Variants in CHODL observed in about 807,000 individuals in gnomAD.
CHODL encodes the protein transmembrane protein MT75.
A neutral mutation model predicts 34.5 loss-of-function variants in CHODL; 29 were observed. The ratio of observed to expected loss-of-function variants is 0.84; its 90% CI spans 0.63 to 1.15. The LOEUF (loss-of-function observed/expected upper bound fraction) is 1.15. Among genes scored for constraint, CHODL ranks in the 50% most tolerant of loss-of-function variants. The pLI is 0.00. For synonymous variants in CHODL, 125 were observed against 116.1 expected (o/e 1.08, Z -0.49); for missense variants, 332 against 332.5 (o/e 1.00, Z 0.01).
intron 1 of CHODL, among the ~76,000 whole-genome samples, chr21:17,951,316 A>G (rs1220986017): frequency 6.6e-6 from 1 of 152,216 alleles, no homozygotes; most frequent in African/African-American, 2.4e-5. Context: ...GGTAGGTGGC[A>G]GGTATGGTTG....
chr21:18,090,112 C>G (rs770832317), intron 2 of CHODL, among the ~76,000 whole-genome samples: 8 of 152,200 alleles, frequency 5.3e-5, no homozygotes, highest in Non-Finnish European at 8.8e-5. Flanking sequence ...AATTACAACT[C>G]TTGTATGCTT....
rs113238672 is a variant in CHODL, at chr21:18,119,851, A to T, written c.-45+91880A>T. On this transcript the variant is annotated intron_variant, in intron 2 of 6. Coordinates refer to the CHODL transcript ENST00000400127. Reference sequence around the variant, plus strand: ...TTTGTGTCATAAAAACAAAGTATGCAGGTCATCCAGTTCACTTGTGGCAGA... The same window carrying T: ...TTTGTGTCATAAAAACAAAGTATGCTGGTCATCCAGTTCACTTGTGGCAGA... Among the ~76,000 whole-genome samples the T allele has an allele frequency of 2.1e-3, 314 of 152,328 alleles. 4 individuals carry two copies. The highest frequency in any genetic ancestry group is 6.6e-3 in the African/African-American group (275 of 41,564).
At chr21:17,942,161 C>T (rs1221895909) in intron 1 of CHODL, among the ~76,000 whole-genome samples, 1 of 152,040 alleles carries the variant, frequency 6.6e-6, no homozygotes, top group Non-Finnish European at 1.5e-5. Flanking sequence ...CCCTCATGAC[C>T]ATAAAATATA....
At chr21:17,991,658 A>G in intron 1 of CHODL, among the ~76,000 whole-genome samples, 1 of 128,408 alleles carries the variant, frequency 7.8e-6, no homozygotes. Context: ...AGATTATTTG[A>G]TTTTTTTTTT....
intron 2 of CHODL, among the ~76,000 whole-genome samples, chr21:18,167,926 C>T (rs1056772326): frequency 1.3e-5 from 2 of 152,158 alleles, no homozygotes; most frequent in African/African-American, 4.8e-5. Context: ...GACTCACCCT[C>T]AATCTGGGCA....
At chr21:18,000,882 T>C (rs1315743086) in intron 1 of CHODL, among the ~76,000 whole-genome samples, 2 of 152,216 alleles carry the variant, frequency 1.3e-5, no homozygotes, top group South Asian at 2.1e-4. Context: ...TTTTCTTTTT[T>C]TTTCCTGAGA....
chr21:18,104,214 C>T (rs1028722393), intron 2 of CHODL, among the ~76,000 whole-genome samples: 2 of 152,086 alleles, frequency 1.3e-5, no homozygotes, highest in Admixed American at 6.6e-5. Flanking sequence ...TGTCCCTACC[C>T]AAATCTCATC....
At chr21:18,129,979 A>G (rs556795678) in intron 2 of CHODL, among the ~76,000 whole-genome samples, 3 of 152,084 alleles carry the variant, frequency 2.0e-5, no homozygotes, top group Non-Finnish European at 2.9e-5. Context: ...TGTATGACAG[A>G]TAATTTTTTA....
At chr21:18,157,101 T>C (rs1046892766) in intron 2 of CHODL, among the ~76,000 whole-genome samples, 1 of 152,218 alleles carries the variant, frequency 6.6e-6, no homozygotes, top group Non-Finnish European at 1.5e-5. Context: ...TCACCCCTTC[T>C]GTTGATTACA....
chr21:17,950,701 T>C (rs1286903716), intron 1 of CHODL, among the ~76,000 whole-genome samples: 1 of 152,190 alleles, frequency 6.6e-6, no homozygotes, highest in African/African-American at 2.4e-5. Flanking sequence ...AAGTCTATCA[T>C]TGGTTGGAGA....
upstream of CHODL, among the ~76,000 whole-genome samples, chr21:18,244,491 G>A (rs2146777272): frequency 6.6e-6 from 1 of 152,286 alleles, no homozygotes; most frequent in South Asian, 2.1e-4. Flanking sequence ...AAGCAATTTA[G>A]CACAGAAAGA....
At chr21:18,046,345 T>C (rs2064443248) in intron 2 of CHODL, among the ~76,000 whole-genome samples, 1 of 151,906 alleles carries the variant, frequency 6.6e-6, no homozygotes, top group African/African-American at 2.4e-5. Flanking sequence ...AGCAATACTG[T>C]AGCAAAAAGT....
intron 2 of CHODL, among the ~76,000 whole-genome samples, chr21:18,199,438 G>A (rs918070008): frequency 2.0e-5 from 3 of 151,982 alleles, no homozygotes; most frequent in Non-Finnish European, 4.4e-5. Context: ...CTTGATTAAT[G>A]TGATAATTTT....
chr21:17,974,377 A>G (rs1414529922), intron 1 of CHODL, among the ~76,000 whole-genome samples: 1 of 151,946 alleles, frequency 6.6e-6, no homozygotes, highest in Non-Finnish European at 1.5e-5. Flanking sequence ...GGTTCAAACA[A>G]TTCTCCTGCC....
intron 1 of CHODL, among the ~76,000 whole-genome samples, chr21:18,026,189 A>C (rs2064173351): frequency 1.3e-5 from 2 of 152,230 alleles, no homozygotes. Flanking sequence ...GGATAAAACC[A>C]GTAAGTTGAG....
intron 2 of CHODL, among the ~76,000 whole-genome samples, chr21:18,217,869 A>G (rs2073845958): frequency 6.6e-6 from 1 of 152,176 alleles, no homozygotes; most frequent in Non-Finnish European, 1.5e-5. Flanking sequence ...CCATATAAGT[A>G]CAAAATTCAG....
At chr21:18,156,658 AAT>A (rs2073038480) in intron 2 of CHODL, among the ~76,000 whole-genome samples, 1 of 152,182 alleles carries the variant, frequency 6.6e-6, no homozygotes, top group Non-Finnish European at 1.5e-5. Context: ...ATCAAATTAA[AAT>A]ATGTTTGCTT....
chr21:18,115,487 C>T (rs1395524224), intron 2 of CHODL, among the ~76,000 whole-genome samples: 2 of 152,180 alleles, frequency 1.3e-5, no homozygotes, highest in African/African-American at 4.8e-5. Flanking sequence ...TCCACACCTC[C>T]ATCCATTTGA....
chr21:18,131,129 CAG>C (rs374612689), intron 2 of CHODL, among the ~76,000 whole-genome samples: 3 of 151,102 alleles, frequency 2.0e-5, no homozygotes, highest in Non-Finnish European at 1.5e-5. Context: ...AAAGAGAGAG[CAG>C]AGAGAGAGAG....
Sources: gnomAD v4.1 joint callset for allele counts (sites outside exome capture counted in the v4.1 genomes callset) on GRCh38, gnomAD v4.1.1 for gene constraint, MANE v1.5 for transcripts, NCBI Gene and HGNC (gene_info 2026-07-23, HGNC 2026-07-21) for gene names.